YARS1: variants seen among roughly 807,000 people sequenced by gnomAD.
The protein encoded by YARS1 is tyrosyl-tRNA synthetase 1, also known as tyrosine--tRNA ligase, cytoplasmic.
YARS1 carries 36 observed loss-of-function variants against 62.2 expected under a neutral mutation model. The ratio of observed to expected loss-of-function variants is 0.58; its 90% CI spans 0.44 to 0.76. YARS1 has a LOEUF of 0.76. Among genes scored for constraint, YARS1 ranks in the 30% least tolerant of loss-of-function variants. The pLI is 0.00. For synonymous variants in YARS1, 234 were observed against 244.9 expected (o/e 0.96, Z 0.42); for missense variants, 524 against 639.8 (o/e 0.82, Z 1.95).
chr1:32,796,371 G>GTT (rs71006371), intron 5 of YARS1, among the ~76,000 whole-genome samples: 12 of 147,054 alleles, frequency 8.2e-5, no homozygotes, highest in Non-Finnish European at 9.0e-5. Context: ...TTTCTTTTTT[G>GTT]TTTTTTTTTT....
intron 1 of YARS1, among the ~76,000 whole-genome samples, chr1:32,816,541 T>A (rs1413821402): frequency 6.6e-6 from 1 of 152,194 alleles, no homozygotes; most frequent in African/African-American, 2.4e-5. Context: ...TATAAATATT[T>A]AAGTGCTTCC....
intron 5 of YARS1, among the ~76,000 whole-genome samples, chr1:32,791,580 T>A (rs576128676): frequency 2.6e-4 from 40 of 152,210 alleles, no homozygotes; most frequent in Admixed American, 2.6e-3. Flanking sequence ...GGTGGGTGGA[T>A]CACCTAAGGT....
intron 10 of YARS1, chr1:32,780,495 GA>G (rs1653017274): frequency 3.4e-6 from 2 of 593,288 alleles, no homozygotes; most frequent in Non-Finnish European, 6.0e-6. Flanking sequence ...GAGTAAAGTG[GA>G]CCTAGATGCT....
intron 12 of YARS1, among the ~76,000 whole-genome samples, chr1:32,778,024 A>G (rs1652927081): frequency 6.6e-6 from 1 of 152,172 alleles, no homozygotes; most frequent in African/African-American, 2.4e-5. Flanking sequence ...GAAAACCAGG[A>G]AAGGAGGGAG....
intron 1 of YARS1, among the ~76,000 whole-genome samples, chr1:32,813,268 G>C (rs1358355995): frequency 6.6e-6 from 1 of 152,166 alleles, no homozygotes; most frequent in Non-Finnish European, 1.5e-5. Context: ...CAGGTGCCAT[G>C]GTCTTTAACC....
chr1:32,795,298 G>A (rs1233377908), intron 5 of YARS1, among the ~76,000 whole-genome samples: 1 of 152,040 alleles, frequency 6.6e-6, no homozygotes, highest in Non-Finnish European at 1.5e-5. Context: ...CAGCCTGGGC[G>A]ACAGAGCAAG....
intron 1 of YARS1, among the ~76,000 whole-genome samples, chr1:32,812,292 C>T (rs1007428000): frequency 2.6e-5 from 4 of 152,162 alleles, no homozygotes; most frequent in East Asian, 1.9e-4. Context: ...GGATTATAGG[C>T]GTGAGCCACC....
At chr1:32,796,969 A>C (rs1653606306) in intron 5 of YARS1, among the ~76,000 whole-genome samples, 3 of 14,250 alleles carry the variant, frequency 2.1e-4, no homozygotes, top group African/African-American at 8.2e-4. Flanking sequence ...CAGTCTCAAA[A>C]AAAAAAAAAA....
intron 7 of YARS1, 90 bp downstream of exon 7, chr1:32,786,850 A>G: frequency 6.4e-7 from 1 of 1,557,378 alleles, no homozygotes; most frequent in Non-Finnish European, 8.8e-7. Flanking sequence ...CAGTCCCTGA[A>G]GGAAGAGTCT....
chr1:32,801,234 G>A (rs1415185250), intron 4 of YARS1, among the ~76,000 whole-genome samples: 1 of 152,020 alleles, frequency 6.6e-6, no homozygotes, highest in Non-Finnish European at 1.5e-5. Context: ...CTGGTGCCAG[G>A]AGAGAGGTTT....
intron 4 of YARS1, among the ~76,000 whole-genome samples, chr1:32,798,953 T>A (rs1386095627): frequency 6.6e-6 from 1 of 152,180 alleles, no homozygotes; most frequent in Non-Finnish European, 1.5e-5. Flanking sequence ...AGCCCAATTA[T>A]CCAGCTGGGG....
chr1:32,802,961 C>T (rs940154521), intron 4 of YARS1, among the ~76,000 whole-genome samples: 1 of 148,064 alleles, frequency 6.8e-6, no homozygotes, highest in Non-Finnish European at 1.5e-5. Flanking sequence ...TACAGATGCG[C>T]GCCACAACGC....
chr1:32,781,051 C>T lies in YARS1; in HGVS notation c.1137G>A (p.Glu379=), dbSNP rs189927251. The change falls in exon 10 of 13, where the codon GAG becomes GAA. Residue 379 remains glutamate (E), a synonymous_variant. Coordinates refer to ENST00000373477, the MANE Select transcript of YARS1 (RefSeq NM_003680.4). The part of the protein sequence containing the change: ...DIRVGKIITV[E]KHPDADSLYV... ...AGATGTGGTGAAAAATGAGTACCTT[C>T]TCCACAGTGATGATTTTCCCCACAC... 1.4e-5 allele frequency: 22 copies of T among 1,614,116 alleles called. No individual in the cohort carries two copies. The African/African-American group carries it at 2.8e-4, about 21-fold the overall frequency.
intron 4 of YARS1, among the ~76,000 whole-genome samples, chr1:32,805,173 C>T (rs1432406837): frequency 7.0e-6 from 1 of 141,918 alleles, no homozygotes; most frequent in Non-Finnish European, 1.5e-5. Context: ...GCCAAGATGG[C>T]GGCAGTACAG....
Position 32,806,667 on chromosome 1 carries a change from C to T in YARS1, c.381-56G>A, listed in dbSNP as rs562933505. On this transcript the variant is annotated intron_variant, in intron 3 of 12. Coordinates refer to ENST00000373477, the MANE Select transcript of YARS1 (RefSeq NM_003680.4). ...AAACCTGGGCCTAGGCCTCAGTTTC[C>T]TAGGAAATCTAAAGCACATTAATTT... 5.6e-5 allele frequency: 90 copies of T among 1,612,396 alleles called. 2 individuals carry two copies. The South Asian group carries it at 9.7e-4, about 17-fold the overall frequency.
At chr1:32,803,884 G>A (rs1162495733) in intron 4 of YARS1, among the ~76,000 whole-genome samples, 1 of 152,146 alleles carries the variant, frequency 6.6e-6, no homozygotes, top group Non-Finnish European at 1.5e-5. Context: ...AGAGGACCCT[G>A]CGGCCTTCCG....
At chr1:32,805,412 G>C (rs1638436975) in intron 4 of YARS1, among the ~76,000 whole-genome samples, 1 of 152,148 alleles carries the variant, frequency 6.6e-6, no homozygotes, top group South Asian at 2.1e-4. Flanking sequence ...GTAGGCTTTA[G>C]ATTAAGGTAA....
chr1:32,788,534 G>A (rs1310181549), intron 6 of YARS1, among the ~76,000 whole-genome samples: 4 of 152,010 alleles, frequency 2.6e-5, no homozygotes, highest in African/African-American at 7.3e-5. Context: ...GGGTTCAAGC[G>A]GTTCCTCCTG....
chr1:32,792,081 T>C (rs1045407059), intron 5 of YARS1, among the ~76,000 whole-genome samples: 3 of 152,170 alleles, frequency 2.0e-5, no homozygotes, highest in African/African-American at 7.2e-5. Flanking sequence ...GGCTGACTCA[T>C]AGCTGTGTAT....
Sources: allele counts gnomAD v4.1 joint callset (sites outside exome capture counted in the v4.1 genomes callset), GRCh38; gene constraint gnomAD v4.1.1; transcripts MANE v1.5; gene names NCBI Gene and HGNC (gene_info 2026-07-23, HGNC 2026-07-21).